RAB28: variants seen among roughly 807,000 people sequenced by gnomAD.
The protein encoded by RAB28 is ras-related protein Rab-28.
RAB28 carries 24 observed loss-of-function variants against 31.7 expected under a neutral mutation model. The ratio of observed to expected loss-of-function variants is 0.76; its 90% CI spans 0.55 to 1.06. The LOEUF (loss-of-function observed/expected upper bound fraction) is 1.06. Ranked by LOEUF, RAB28 falls within the 50% of genes least tolerant of loss-of-function variation. The probability of loss-of-function intolerance (pLI) is 0.00; values close to 1 mark genes in which losing one functional copy is unlikely to be tolerated. For synonymous variants in RAB28, 100 were observed against 90.4 expected, an observed-to-expected ratio of 1.11 and a Z score of -0.60; for missense variants, 254 against 258.5, an observed-to-expected ratio of 0.98 and a Z score of 0.12.
intron 5 of RAB28, among the ~76,000 whole-genome samples, chr4:13,378,609 GGAAA>G (rs1729010608): frequency 6.6e-6 from 1 of 151,940 alleles, no homozygotes. Flanking sequence ...TCCAGTAGGT[GGAAA>G]AAAAATAATA....
chr4:13,452,787 G>C (rs1234910064), intron 4 of RAB28, among the ~76,000 whole-genome samples: 1 of 152,052 alleles, frequency 6.6e-6, no homozygotes, highest in Non-Finnish European at 1.5e-5. Context: ...GTTAGGTGCA[G>C]TTTGGTCTAT....
chr4:13,369,018 A>G (rs1395203732), intron 6 of RAB28, among the ~76,000 whole-genome samples: 3 of 152,190 alleles, frequency 2.0e-5, no homozygotes, highest in African/African-American at 7.2e-5. Context: ...TCATCATTTC[A>G]AAGTAAAAAA....
intron 4 of RAB28, among the ~76,000 whole-genome samples, chr4:13,429,233 C>T (rs1713676231): frequency 6.6e-6 from 1 of 152,154 alleles, no homozygotes; most frequent in African/African-American, 2.4e-5. Flanking sequence ...AGGAATGAGC[C>T]ACTGCGCCTG....
chr4:13,457,608 AAAAAG>A (rs1395409082), intron 4 of RAB28, among the ~76,000 whole-genome samples: 1 of 149,016 alleles, frequency 6.7e-6, no homozygotes, highest in African/African-American at 2.6e-5. Context: ...TAAAAAAAGA[AAAAAG>A]AAAAAAAAAA....
intron 4 of RAB28, among the ~76,000 whole-genome samples, chr4:13,455,717 G>A (rs549938215): frequency 6.6e-6 from 1 of 152,346 alleles, no homozygotes; most frequent in Non-Finnish European, 1.5e-5. Context: ...GTCAGGACTT[G>A]CAAGAACTGT....
At chr4:13,369,728 T>C (rs1728642475) in intron 6 of RAB28, 6 of 791,194 alleles carry the variant, frequency 7.6e-6, no homozygotes, top group Non-Finnish European at 1.0e-5. Context: ...TAGTTCTAAA[T>C]CAAGACGTAG....
chr4:13,407,907 G>A (rs1712197801), intron 4 of RAB28, among the ~76,000 whole-genome samples: 1 of 152,206 alleles, frequency 6.6e-6, no homozygotes, highest in Non-Finnish European at 1.5e-5. Flanking sequence ...AGCTTAAGGA[G>A]ATTTTGGGCT....
chr4:13,449,872 G>A (rs1714875111), intron 4 of RAB28, among the ~76,000 whole-genome samples: 1 of 151,742 alleles, frequency 6.6e-6, no homozygotes, highest in East Asian at 1.9e-4. Flanking sequence ...TGTAACCCCT[G>A]TTAATTCTGT....
chr4:13,448,703 C>T (rs1714819987), intron 4 of RAB28, among the ~76,000 whole-genome samples: 1 of 152,032 alleles, frequency 6.6e-6, no homozygotes, highest in Non-Finnish European at 1.5e-5. Flanking sequence ...TTTGGAGATA[C>T]TACTCAGCCA....
intron 4 of RAB28, among the ~76,000 whole-genome samples, chr4:13,454,054 T>G (rs1050016692): frequency 1.3e-5 from 2 of 152,164 alleles, no homozygotes; most frequent in African/African-American, 4.8e-5. Context: ...TTTATTTTTG[T>G]CTGTGCTATT....
intron 4 of RAB28, among the ~76,000 whole-genome samples, chr4:13,415,105 T>C (rs761127442): frequency 1.3e-5 from 2 of 152,236 alleles, no homozygotes; most frequent in East Asian, 3.8e-4. Context: ...GGAAGAAGAA[T>C]CATCATTAAT....
chr4:13,435,419 T>C (rs921973434), intron 4 of RAB28, among the ~76,000 whole-genome samples: 1 of 151,040 alleles, frequency 6.6e-6, no homozygotes, highest in Non-Finnish European at 1.5e-5. Flanking sequence ...AAAAAAAATA[T>C]AAAGGATAAA....
chr4:13,480,146 C>T (rs1487724540), intron 1 of RAB28, among the ~76,000 whole-genome samples: 2 of 151,640 alleles, frequency 1.3e-5, no homozygotes, highest in African/African-American at 4.8e-5. Flanking sequence ...TATTTTCCAT[C>T]CAAGAACCAT....
chr4:13,368,359 G>A lies in RAB28; in HGVS notation c.*199C>T. 8.2e-7 allele frequency: 1 copy of A among 1,221,734 alleles called. No individual in the cohort carries two copies. The highest frequency in any genetic ancestry group is 1.0e-6 in the Non-Finnish European group (1 of 980,574). The allele number at this position is 1,221,734 out of a possible 1,614,324, so 75.7% of individuals were successfully genotyped here. A position where few individuals can be genotyped will look rare whatever the true frequency, so the allele number is the denominator to read the frequency against. Reference sequence around the variant, plus strand: ...GGGTTTTCCATTTTGAATTCAAAGTGTGTGGTCCCAAAGTTGAATTCTTTC... The same window carrying A: ...GGGTTTTCCATTTTGAATTCAAAGTATGTGGTCCCAAAGTTGAATTCTTTC... On this transcript the variant is annotated 3_prime_UTR_variant, in exon 7 of 7. Transcript: ENST00000330852.
At chr4:13,383,768 C>A (rs1253471614) in intron 4 of RAB28, among the ~76,000 whole-genome samples, 1 of 152,332 alleles carries the variant, frequency 6.6e-6, no homozygotes, top group African/African-American at 2.4e-5. Flanking sequence ...TTCCCCTGCA[C>A]ATGCCATCTT....
intron 4 of RAB28, among the ~76,000 whole-genome samples, chr4:13,420,665 T>C (rs1440480927): frequency 6.6e-6 from 1 of 152,192 alleles, no homozygotes; most frequent in African/African-American, 2.4e-5. Flanking sequence ...ACCACATGAT[T>C]ATCTCAATAG....
chr4:13,382,697 T>A (rs1442344189), intron 4 of RAB28, among the ~76,000 whole-genome samples: 5 of 140,174 alleles, frequency 3.6e-5, no homozygotes, highest in Admixed American at 1.4e-4. Context: ...TATGGAATTT[T>A]TTTTTTTTTT....
At chr4:13,477,933 GTAC>G (rs1372191370) in intron 2 of RAB28, among the ~76,000 whole-genome samples, 1 of 151,464 alleles carries the variant, frequency 6.6e-6, no homozygotes, top group Non-Finnish European at 1.5e-5. Context: ...ATTTGAGTAG[GTAC>G]TTGTTTATTT....
intron 4 of RAB28, among the ~76,000 whole-genome samples, chr4:13,408,483 G>C (rs28697063): frequency 0.017 from 2,557 of 152,058 alleles, 69 homozygotes; most frequent in African/African-American, 0.058. Context: ...CTTTTTTTGT[G>C]TGTGTCTCTG....
Sources: gnomAD v4.1 joint callset for allele counts (sites outside exome capture counted in the v4.1 genomes callset) on GRCh38, gnomAD v4.1.1 for gene constraint, MANE v1.5 for transcripts, NCBI Gene and HGNC (gene_info 2026-07-23, HGNC 2026-07-21) for gene names.